The following SUMF1 variants were observed in gnomAD, a reference collection of about 807,000 sequenced individuals.
SUMF1 encodes sulfatase modifying factor 1, also known as formylglycine-generating enzyme.
Under a neutral mutation model 47.6 loss-of-function variants are expected in SUMF1, and 48 were observed. The observed-to-expected ratio is 1.01, with a 90% confidence interval of 0.80 to 1.28. The LOEUF (loss-of-function observed/expected upper bound fraction) is 1.28, where lower values mean the gene tolerates loss of function less well. Among genes scored for constraint, SUMF1 ranks in the 50% most tolerant of loss-of-function variants. The probability of loss-of-function intolerance (pLI) is 0.00; values close to 1 mark genes in which losing one functional copy is unlikely to be tolerated. For synonymous variants in SUMF1, 230 were observed against 192.1 expected, an observed-to-expected ratio of 1.20 and a Z score of -1.63; for missense variants, 571 against 485.4, an observed-to-expected ratio of 1.18 and a Z score of -1.66.
At chr3:4,178,525 T>C (rs944723854) in intron 8 of SUMF1, among the ~76,000 whole-genome samples, 1 of 152,156 alleles carries the variant, frequency 6.6e-6, no homozygotes, top group African/African-American at 2.4e-5. Context: ...TAACTAGGCA[T>C]GGATGGAATG....
At chr3:4,159,052 T>C (rs1334213634) in intron 8 of SUMF1, among the ~76,000 whole-genome samples, 2 of 151,576 alleles carry the variant, frequency 1.3e-5, no homozygotes, top group Admixed American at 6.6e-5. Context: ...CAGTTCATCT[T>C]TTCATCTTTC....
At chr3:4,321,128 TG>T in intron 8 of SUMF1, among the ~76,000 whole-genome samples, 1 of 152,180 alleles carries the variant, frequency 6.6e-6, no homozygotes, top group Non-Finnish European at 1.5e-5. Context: ...AAAGGAAGGA[TG>T]ATCCATGTGG....
intron 8 of SUMF1, chr3:4,303,874 A>C: frequency 7.7e-7 from 1 of 1,293,720 alleles, no homozygotes; most frequent in Non-Finnish European, 1.0e-6. Context: ...CACAGGTAGG[A>C]TAAGCCGTGG....
intron 8 of SUMF1, among the ~76,000 whole-genome samples, chr3:4,118,716 T>C (rs986376007): frequency 1.3e-5 from 2 of 152,122 alleles, no homozygotes; most frequent in African/African-American, 2.4e-5. Flanking sequence ...TTGAGAAGTA[T>C]GTAACATTTG....
At chr3:4,350,075 A>C (rs966557873) in intron 8 of SUMF1, among the ~76,000 whole-genome samples, 1 of 150,184 alleles carries the variant, frequency 6.7e-6, no homozygotes, top group South Asian at 2.1e-4. Flanking sequence ...ATCTTGGGTC[A>C]CTGCAACCTC....
At chr3:4,276,109 C>T (rs955978417) in intron 8 of SUMF1, among the ~76,000 whole-genome samples, 1 of 152,032 alleles carries the variant, frequency 6.6e-6, no homozygotes, top group South Asian at 2.1e-4. Flanking sequence ...TTCCATCTTC[C>T]CTGGGGAAAT....
At chr3:4,230,265 C>T (rs1251265674) in intron 8 of SUMF1, among the ~76,000 whole-genome samples, 2 of 152,002 alleles carry the variant, frequency 1.3e-5, no homozygotes, top group African/African-American at 4.8e-5. Context: ...AGTTAAACTT[C>T]GCAGGTTTAA....
In SUMF1 at chr3:4,422,889, G is replaced by A. The variant is rs531103168; in HGVS notation, c.520-2743C>T. On this transcript the variant is annotated intron_variant, in intron 3 of 8. Coordinates refer to ENST00000272902, the MANE Select transcript of SUMF1 (RefSeq NM_182760.4). Reference sequence around the variant, plus strand: ...TTTGGTGGTGATTTGTGAGATTTTGGTGCACCCATCTCCTAAGCAGTATAC... The same window carrying A: ...TTTGGTGGTGATTTGTGAGATTTTGATGCACCCATCTCCTAAGCAGTATAC... 7.9e-5 allele frequency among the ~76,000 whole-genome samples: 12 copies of A among 151,926 alleles called. No individual in the cohort carries two copies. In the South Asian group the frequency reaches 1.9e-3, roughly 24 times the overall value.
intron 8 of SUMF1, among the ~76,000 whole-genome samples, chr3:4,126,182 T>C (rs1693651343): frequency 6.6e-6 from 1 of 151,594 alleles, no homozygotes; most frequent in Non-Finnish European, 1.5e-5. Flanking sequence ...AACAATAGTC[T>C]AGCCAATTCT....
chr3:4,121,469 T>G (rs945341371), intron 8 of SUMF1, among the ~76,000 whole-genome samples: 2 of 152,196 alleles, frequency 1.3e-5, no homozygotes, highest in African/African-American at 4.8e-5. Flanking sequence ...ATGATAGTTG[T>G]GTTCTTTATG....
chr3:4,338,255 C>A (rs1382342597), intron 8 of SUMF1, among the ~76,000 whole-genome samples: 2 of 148,854 alleles, frequency 1.3e-5, no homozygotes, highest in African/African-American at 5.0e-5. Context: ...GCCTGGCAGA[C>A]AAAGTGAGAC....
At chr3:4,254,961 A>C (rs1178891058) in intron 8 of SUMF1, among the ~76,000 whole-genome samples, 1 of 152,132 alleles carries the variant, frequency 6.6e-6, no homozygotes, top group East Asian at 1.9e-4. Context: ...GCCAGTATTC[A>C]ACATTCTTAA....
At chr3:4,261,211 G>A (rs1697078162) in intron 8 of SUMF1, among the ~76,000 whole-genome samples, 1 of 152,162 alleles carries the variant, frequency 6.6e-6, no homozygotes, top group Admixed American at 6.5e-5. Context: ...TTTGCTTTAT[G>A]TAATTTTTTC....
At chr3:4,445,378 C>A (rs898885302) in intron 3 of SUMF1, among the ~76,000 whole-genome samples, 1 of 152,174 alleles carries the variant, frequency 6.6e-6, no homozygotes, top group East Asian at 1.9e-4. Flanking sequence ...CACTCTGTCA[C>A]CCAGCCTGGA....
At chr3:4,302,954 T>C (rs1288514871) in intron 8 of SUMF1, among the ~76,000 whole-genome samples, 1 of 152,126 alleles carries the variant, frequency 6.6e-6, no homozygotes, top group East Asian at 1.9e-4. Flanking sequence ...CCCTATCACA[T>C]GTCAGTCAAC....
intron 8 of SUMF1, among the ~76,000 whole-genome samples, chr3:4,271,145 C>T (rs1381496991): frequency 6.6e-6 from 1 of 152,140 alleles, no homozygotes; most frequent in Admixed American, 6.5e-5. Flanking sequence ...TACCCACCAC[C>T]AATCACATTT....
intron 8 of SUMF1, among the ~76,000 whole-genome samples, chr3:4,282,498 A>G (rs1697550000): frequency 6.6e-6 from 1 of 152,240 alleles, no homozygotes; most frequent in Non-Finnish European, 1.5e-5. Context: ...TTGCCTTATC[A>G]GAGCAAAGAA....
In SUMF1 at chr3:4,211,537, C is replaced by A. The variant is rs972292969; in HGVS notation, c.1015-142792G>T. ...TCCAGAGGAAAATATAAGAGAATATCTTCATGACCTTGAGGTAAGGAAGAT... is the reference window on the plus strand; with the variant it reads ...TCCAGAGGAAAATATAAGAGAATATATTCATGACCTTGAGGTAAGGAAGAT... On this transcript the variant is annotated intron_variant and NMD_transcript_variant, in intron 8 of 12. Transcript: ENST00000448413. 3.3e-5 allele frequency among the ~76,000 whole-genome samples: 5 copies of A among 151,908 alleles called. No individual in the cohort carries two copies. In the East Asian group the frequency reaches 9.7e-4, roughly 29 times the overall value.
At chr3:4,214,397 C>T (rs1695870274) in intron 8 of SUMF1, among the ~76,000 whole-genome samples, 1 of 152,164 alleles carries the variant, frequency 6.6e-6, no homozygotes, top group South Asian at 2.1e-4. Context: ...ATCTGGGACA[C>T]ATTTAAAGCA....
Sources: allele counts gnomAD v4.1 joint callset (sites outside exome capture counted in the v4.1 genomes callset), GRCh38; gene constraint gnomAD v4.1.1; transcripts MANE v1.5; gene names NCBI Gene and HGNC (gene_info 2026-07-23, HGNC 2026-07-21).